The following RPS6KC1 variants were observed in gnomAD, a reference collection of about 807,000 sequenced individuals.
RPS6KC1 encodes the protein inactive ribosomal protein S6 kinase delta-1.
RPS6KC1 carries 54 observed loss-of-function variants against 103.8 expected under a neutral mutation model. The observed-to-expected ratio is 0.52, with a 90% confidence interval of 0.42 to 0.65. The LOEUF (loss-of-function observed/expected upper bound fraction) is 0.65. RPS6KC1 is among the 30% of genes least tolerant of loss of function. RPS6KC1 has a pLI of 0.00. For missense variants in RPS6KC1, 1,151 were observed against 1,253.8 expected (o/e 0.92, Z 1.24); for synonymous variants, 439 against 438.7 (o/e 1.00, Z -0.01).
the RPS6KC1 span, among the ~76,000 whole-genome samples, chr1:213,566,682 ACTCT>A: frequency 1.4e-5 from 2 of 143,270 alleles, no homozygotes; most frequent in African/African-American, 5.1e-5. Context: ...CAGTTTACTG[ACTCT>A]CTCTTCAGCT....
At chr1:213,268,392 T>C (rs575849407) in intron 14 of RPS6KC1, among the ~76,000 whole-genome samples, 33 of 152,062 alleles carry the variant, frequency 2.2e-4, no homozygotes, top group African/African-American at 6.0e-4. Flanking sequence ...GATTTATTGC[T>C]AGCAGAACTG....
At chr1:213,362,834 G>A in the RPS6KC1 span, among the ~76,000 whole-genome samples, 1 of 152,086 alleles carries the variant, frequency 6.6e-6, no homozygotes, top group Non-Finnish European at 1.5e-5. Context: ...CTTAATAGAA[G>A]AAAAAATACT....
chr1:213,104,560 CT>C lies in RPS6KC1; in HGVS notation c.374del (p.Phe125SerfsTer5). On this transcript the variant is annotated frameshift_variant, in exon 4 of 15. Transcript: ENST00000366960. LOFTEE classifies it high-confidence loss of function. Reference protein sequence around the residue: ...ALYNSKQLEDFFKGGIINDSS... With the variant: ...ALYNSKQLEDXFKGGIINDSS... ...TTTACAATAGTAAACAGCTTGAAGA[CT>C]TTTTCAAGGTTTGGTAGTCTTTCTG... 2.5e-6 allele frequency: 4 copies of C among 1,570,918 alleles called. No individual in the cohort carries two copies. The highest frequency in any genetic ancestry group is 2.3e-5 in the South Asian group (2 of 87,434).
At chr1:213,545,303 G>A in the RPS6KC1 span, among the ~76,000 whole-genome samples, 5 of 151,536 alleles carry the variant, frequency 3.3e-5, no homozygotes, top group African/African-American at 4.9e-5. Flanking sequence ...CCCAGGAGGC[G>A]GAGGTTGCAG....
the RPS6KC1 span, among the ~76,000 whole-genome samples, chr1:213,552,578 G>T: frequency 6.6e-6 from 1 of 152,094 alleles, no homozygotes; most frequent in African/African-American, 2.4e-5. Flanking sequence ...AGAGTTGTTT[G>T]TATATTTGGG....
At chr1:213,855,803 T>C in the RPS6KC1 span, among the ~76,000 whole-genome samples, 1 of 152,264 alleles carries the variant, frequency 6.6e-6, no homozygotes, top group Non-Finnish European at 1.5e-5. Context: ...TTCTGTGTGG[T>C]CTGCCTTGCA....
chr1:213,637,753 G>T, the RPS6KC1 span, among the ~76,000 whole-genome samples: 1 of 152,018 alleles, frequency 6.6e-6, no homozygotes, highest in Non-Finnish European at 1.5e-5. Flanking sequence ...GGTAATGCCA[G>T]TACTTTTTAT....
At chr1:213,687,047 G>A in the RPS6KC1 span, among the ~76,000 whole-genome samples, 2 of 152,196 alleles carry the variant, frequency 1.3e-5, no homozygotes, top group South Asian at 4.1e-4. Flanking sequence ...GAGCAGTGAG[G>A]ATAACAGAGG....
At chr1:213,451,182 A>C in the RPS6KC1 span, among the ~76,000 whole-genome samples, 1 of 152,204 alleles carries the variant, frequency 6.6e-6, no homozygotes, top group African/African-American at 2.4e-5. Flanking sequence ...AACAGTTGTC[A>C]CATTTCTACA....
At chr1:213,234,175 A>G (rs2094171209) in intron 10 of RPS6KC1, among the ~76,000 whole-genome samples, 1 of 151,896 alleles carries the variant, frequency 6.6e-6, no homozygotes, top group African/African-American at 2.4e-5. Context: ...ACATCTGGCT[A>G]AGTTTTAAAA....
chr1:213,741,592 G>A, the RPS6KC1 span, among the ~76,000 whole-genome samples: 1 of 152,066 alleles, frequency 6.6e-6, no homozygotes, highest in Non-Finnish European at 1.5e-5. Context: ...GTCTTTTTAC[G>A]AGTTGCCACT....
At chr1:213,276,809 G>C (rs527420990), downstream of RPS6KC1, among the ~76,000 whole-genome samples, 1 of 152,312 alleles carries the variant, frequency 6.6e-6, no homozygotes, top group South Asian at 2.1e-4. Flanking sequence ...ACTGGAAAAG[G>C]AGAGTTGAAG....
chr1:213,535,570 A>C, the RPS6KC1 span, among the ~76,000 whole-genome samples: 3,913 of 152,206 alleles, frequency 0.026, 163 homozygotes, highest in African/African-American at 0.085. Context: ...ACCCCACTGG[A>C]GTTTTCTCTT....
At chr1:213,483,281 C>A in the RPS6KC1 span, among the ~76,000 whole-genome samples, 1 of 152,128 alleles carries the variant, frequency 6.6e-6, no homozygotes, top group African/African-American at 2.4e-5. Flanking sequence ...CCACTGGGTC[C>A]CTCCCATGAC....
the RPS6KC1 span, among the ~76,000 whole-genome samples, chr1:213,594,332 T>C: frequency 6.6e-6 from 1 of 152,236 alleles, no homozygotes; most frequent in Non-Finnish European, 1.5e-5. Flanking sequence ...GGGTAAAATA[T>C]GCCATTTAAA....
chr1:213,697,120 G>T, the RPS6KC1 span, among the ~76,000 whole-genome samples: 1 of 152,252 alleles, frequency 6.6e-6, no homozygotes. Context: ...AAAGGATGCA[G>T]ATGAACAGTT....
intron 8 of RPS6KC1, among the ~76,000 whole-genome samples, chr1:213,205,547 G>A (rs2817980): frequency 9.8e-6 from 1 of 102,452 alleles, no homozygotes; most frequent in African/African-American, 3.7e-5. Flanking sequence ...TATATATATA[G>A]ATATATATAT....
At chr1:213,169,628 C>T (rs1308300562) in intron 7 of RPS6KC1, among the ~76,000 whole-genome samples, 1 of 151,958 alleles carries the variant, frequency 6.6e-6, no homozygotes, top group African/African-American at 2.4e-5. Flanking sequence ...GATTGACAAC[C>T]TTCCTCGTGT....
chr1:213,631,804 G>GT, the RPS6KC1 span, among the ~76,000 whole-genome samples: 1,005 of 151,854 alleles, frequency 6.6e-3, 13 homozygotes, highest in African/African-American at 0.023. Context: ...AAAAATATGG[G>GT]TTTTTTGCCC....
Sources: gnomAD v4.1 joint callset for allele counts (sites outside exome capture counted in the v4.1 genomes callset) on GRCh38, gnomAD v4.1.1 for gene constraint, MANE v1.5 for transcripts, NCBI Gene and HGNC (gene_info 2026-07-23, HGNC 2026-07-21) for gene names.